Variants in FHIT observed in about 807,000 individuals in gnomAD.
FHIT encodes fragile histidine triad diadenosine triphosphatase, also known as bis(5'-adenosyl)-triphosphatase.
A neutral mutation model predicts 17.9 loss-of-function variants in FHIT; 19 were observed. The observed-to-expected ratio is 1.06, with a 90% confidence interval of 0.74 to 1.56. FHIT has a LOEUF of 1.56. FHIT is among the 40% of genes most tolerant of loss of function. The pLI is 0.00. For synonymous variants in FHIT, 81 were observed against 69.7 expected, an observed-to-expected ratio of 1.16 and a Z score of -0.81; for missense variants, 248 against 189.2, an observed-to-expected ratio of 1.31 and a Z score of -1.82.
chr3:61,182,338 T>C (rs2038368291), intron 2 of FHIT, among the ~76,000 whole-genome samples: 1 of 152,210 alleles, frequency 6.6e-6, no homozygotes, highest in African/African-American at 2.4e-5. Flanking sequence ...CTTTCATGAT[T>C]TGTATAATAT....
intron 4 of FHIT, among the ~76,000 whole-genome samples, chr3:60,658,190 T>C (rs2040160830): frequency 6.6e-6 from 1 of 152,152 alleles, no homozygotes; most frequent in South Asian, 2.1e-4. Flanking sequence ...CATACAGTAT[T>C]TGTCTTTGCG....
chr3:60,003,985 A>C (rs1001349792), intron 7 of FHIT, among the ~76,000 whole-genome samples: 1 of 151,986 alleles, frequency 6.6e-6, no homozygotes, highest in African/African-American at 2.4e-5. Context: ...TTGATTTCCT[A>C]GGCTTGAAAC....
At chr3:60,047,396 G>T (rs1289901489) in intron 5 of FHIT, among the ~76,000 whole-genome samples, 1 of 152,130 alleles carries the variant, frequency 6.6e-6, no homozygotes, top group Non-Finnish European at 1.5e-5. Context: ...TATGGACACT[G>T]ACCAATCCTA....
chr3:61,018,165 A>G (rs2107639313), intron 3 of FHIT, among the ~76,000 whole-genome samples: 1 of 152,324 alleles, frequency 6.6e-6, no homozygotes, highest in African/African-American at 2.4e-5. Flanking sequence ...ACGATGATAA[A>G]AAGTAAGTAA....
intron 3 of FHIT, among the ~76,000 whole-genome samples, chr3:60,842,641 ATATATT>A (rs1702773419): frequency 9.3e-4 from 44 of 47,162 alleles, no homozygotes; most frequent in African/African-American, 2.4e-3. Flanking sequence ...ATATATATAT[ATATATT>A]TTTTTTTTTT....
At chr3:60,536,732 G>GAGACATCTCC (rs2035994042) in intron 5 of FHIT, 128 bp downstream of exon 5, 1 of 953,114 alleles carries the variant, frequency 1.0e-6, no homozygotes, top group African/African-American at 1.7e-5. Flanking sequence ...CTCCGAAGTG[G>GAGACATCTCC]GAGGGAGATG....
intron 5 of FHIT, among the ~76,000 whole-genome samples, chr3:60,459,170 C>A (rs1327606273): frequency 6.6e-6 from 1 of 152,050 alleles, no homozygotes; most frequent in East Asian, 1.9e-4. Flanking sequence ...TCACTTGGAG[C>A]TTTTACATTA....
At chr3:61,008,996 T>C (rs553518068) in intron 3 of FHIT, among the ~76,000 whole-genome samples, 2 of 152,254 alleles carry the variant, frequency 1.3e-5, no homozygotes, top group East Asian at 3.9e-4. Flanking sequence ...CAGTCTTATT[T>C]CCAAACTCTG....
At chr3:60,932,729 A>G (rs1708021472) in intron 3 of FHIT, among the ~76,000 whole-genome samples, 1 of 151,966 alleles carries the variant, frequency 6.6e-6, no homozygotes, top group Non-Finnish European at 1.5e-5. Flanking sequence ...AAATCTACCC[A>G]CACCTCTGTC....
intron 5 of FHIT, among the ~76,000 whole-genome samples, chr3:60,068,265 C>T (rs3856670): frequency 0.35 from 52,698 of 151,926 alleles, 10,369 homozygotes; most frequent in Middle Eastern, 0.56. Flanking sequence ...AAACAAAAAG[C>T]ATTTTTTTGG....
rs961291883 is a variant in FHIT at position 60,308,732 on chromosome 3, C to T, written c.103+228128G>A. 8.6e-5 allele frequency among the ~76,000 whole-genome samples: 13 copies of T among 152,046 alleles called. No individual in the cohort carries two copies. In the East Asian group the frequency reaches 1.4e-3, roughly 16 times the overall value. On this transcript the variant is annotated intron_variant, in intron 5 of 9. Transcript: ENST00000492590. Reference sequence around the variant, plus strand: ...ATGTTCAGCATAGGACCTGGGTTACCGATGATTCACTAAATGTCATCTATC... The same window carrying T: ...ATGTTCAGCATAGGACCTGGGTTACTGATGATTCACTAAATGTCATCTATC...
chr3:59,899,678 CA>C (rs199936591), intron 8 of FHIT, among the ~76,000 whole-genome samples: 1 of 143,904 alleles, frequency 6.9e-6, no homozygotes, highest in African/African-American at 2.7e-5. Flanking sequence ...TACTAAAATA[CA>C]AAAAAACAAA....
chr3:61,203,023 A>G (rs1244491229), intron 1 of FHIT, among the ~76,000 whole-genome samples: 1 of 152,032 alleles, frequency 6.6e-6, no homozygotes, highest in African/African-American at 2.4e-5. Context: ...TACTAAAAAT[A>G]CAAAAAATTA....
rs151169478 is a variant in FHIT at position 60,608,105 on chromosome 3, T to C, written c.-17-71126A>G. On this transcript the variant is annotated intron_variant, in intron 4 of 9. Coordinates refer to ENST00000492590, the MANE Select transcript of FHIT (RefSeq NM_002012.4). ...CTTTCTGATGGAGCCCTCAGGGGTGTACACTGTAATGTCCATCTTCCCTCG... is the reference window on the plus strand; with the variant it reads ...CTTTCTGATGGAGCCCTCAGGGGTGCACACTGTAATGTCCATCTTCCCTCG... 1.7e-3 allele frequency among the ~76,000 whole-genome samples: 254 copies of C among 152,304 alleles called. 1 individual carries two copies. The highest frequency in any genetic ancestry group is 4.5e-3 in the African/African-American group (187 of 41,572).
chr3:60,489,618 T>C (rs1421313270), intron 5 of FHIT, among the ~76,000 whole-genome samples: 7 of 152,184 alleles, frequency 4.6e-5, no homozygotes, highest in African/African-American at 1.7e-4. Context: ...ACAATACCAA[T>C]AAGAACATCT....
At chr3:59,975,010 G>T (rs903581287) in intron 7 of FHIT, among the ~76,000 whole-genome samples, 1 of 151,924 alleles carries the variant, frequency 6.6e-6, no homozygotes. Context: ...TGCACTAATC[G>T]CCACTTAACA....
At chr3:60,909,570 T>G (rs1706622086) in intron 3 of FHIT, among the ~76,000 whole-genome samples, 1 of 152,198 alleles carries the variant, frequency 6.6e-6, no homozygotes, top group African/African-American at 2.4e-5. Flanking sequence ...TCATTCTATT[T>G]TATTTTTATC....
intron 5 of FHIT, among the ~76,000 whole-genome samples, chr3:60,074,927 C>T (rs576866857): frequency 6.6e-6 from 1 of 152,172 alleles, no homozygotes; most frequent in Admixed American, 6.6e-5. Context: ...GACACGTCTC[C>T]CTTTCACTGG....
intron 1 of FHIT, among the ~76,000 whole-genome samples, chr3:61,234,485 T>C (rs957461012): frequency 3.9e-5 from 6 of 152,090 alleles, no homozygotes; most frequent in African/African-American, 9.7e-5. Context: ...AAAACAAAAC[T>C]GTATGTAAAG....
Sources: allele counts gnomAD v4.1 joint callset (sites outside exome capture counted in the v4.1 genomes callset), GRCh38; gene constraint gnomAD v4.1.1; transcripts MANE v1.5; gene names NCBI Gene and HGNC (gene_info 2026-07-23, HGNC 2026-07-21).